Variants in BCL11B observed in about 807,000 individuals in gnomAD.
The protein encoded by BCL11B is BCL11 transcription factor B.
Under a neutral mutation model 49.9 loss-of-function variants are expected in BCL11B, and 8 were observed. The observed-to-expected ratio is 0.16, with a 90% confidence interval of 0.09 to 0.29. BCL11B has a LOEUF of 0.29. Ranked by LOEUF, BCL11B falls within the 10% of genes least tolerant of loss-of-function variation. The pLI, the probability that BCL11B is intolerant of heterozygous loss-of-function variation, is 1.00. For missense variants in BCL11B, 1,006 were observed against 1,351.0 expected, an observed-to-expected ratio of 0.74 and a Z score of 4.00; for synonymous variants, 739 against 637.4, an observed-to-expected ratio of 1.16 and a Z score of -2.40.
At chr14:99,187,963 T>A (rs193244275) in intron 3 of BCL11B, among the ~76,000 whole-genome samples, 1 of 152,194 alleles carries the variant, frequency 6.6e-6, no homozygotes, top group Non-Finnish European at 1.5e-5. Flanking sequence ...AAGGAGATAA[T>A]TGACGTTATG....
intron 2 of BCL11B, among the ~76,000 whole-genome samples, chr14:99,250,233 C>T (rs1888969016): frequency 6.6e-6 from 1 of 151,770 alleles, no homozygotes; most frequent in Non-Finnish European, 1.5e-5. Context: ...GACGGAGTTT[C>T]ACCGTGTTAG....
chr14:99,227,815 A>G (rs1888200967), intron 3 of BCL11B, among the ~76,000 whole-genome samples: 1 of 152,004 alleles, frequency 6.6e-6, no homozygotes, highest in African/African-American at 2.4e-5. Context: ...CAAATCCTCT[A>G]TGTGAAATTT....
intron 2 of BCL11B, among the ~76,000 whole-genome samples, chr14:99,246,056 C>T (rs1285111105): frequency 6.6e-6 from 1 of 152,192 alleles, no homozygotes; most frequent in African/African-American, 2.4e-5. Context: ...CTCCGATTCA[C>T]TGCATGCCCC....
chr14:99,257,317 A>T lies in BCL11B; in HGVS notation c.427+154T>A, dbSNP rs1889193616. ...CTGTCTCCTCCTGAAGGTCACCTGGATGGTGGACCCTCAGAAAGGGGGAGC... is the reference window on the plus strand; with the variant it reads ...CTGTCTCCTCCTGAAGGTCACCTGGTTGGTGGACCCTCAGAAAGGGGGAGC... On this transcript the variant is annotated intron_variant, in intron 2 of 3. Coordinates refer to ENST00000357195, the MANE Select transcript of BCL11B (RefSeq NM_138576.4). The surrounding 1 kb of genome is among the most constrained non-coding windows in gnomAD (Gnocchi z 6.2). Among the ~76,000 whole-genome samples the T allele has an allele frequency of 6.6e-6, 1 of 151,508 alleles. No individual in the cohort carries two copies.
Position 99,175,352 on chromosome 14 carries a change from G to A in BCL11B, c.1484C>T (p.Ala495Val). 1.3e-6 allele frequency: 2 copies of A among 1,563,416 alleles called. No homozygotes were observed. Among genetic ancestry groups the A allele is most frequent in the Non-Finnish European group, 1.7e-6 (2 of 1,159,868 alleles). ...GCTGGTGCCGGGCTCGGGGGAGCTG[G>A]CGGCCGAGAGCCCGTCGTCGGAGCG... is the stretch of plus-strand genomic sequence containing the variant. Reference protein sequence around the residue: ...AGRSDDGLSAASSPEPGTSEL... With the variant: ...AGRSDDGLSAVSSPEPGTSEL... Residue 495 changes from alanine (A) to valine (V), a missense_variant, in exon 4 of 4, where the codon GCC (alanine) becomes GTC (valine). By Grantham distance (64) the Ala-to-Val change is moderately conservative. This residue lies in a region of BCL11B where 443 missense variants were observed against 499.7 expected (regional missense o/e 0.89). Transcript: ENST00000357195.
rs1886249194 is a variant in BCL11B, at chr14:99,170,351, G to A, written c.*3800C>T. The A allele has an allele frequency of 4.5e-6, 1 of 222,936 alleles. No individual in the cohort carries two copies. The highest frequency in any genetic ancestry group is 2.2e-5 in the African/African-American group (1 of 44,674). The allele number at this position is 222,936 out of a possible 1,614,324, so 13.8% of individuals were successfully genotyped here. The stretch of plus-strand genomic sequence containing the variant: ...GCATTTGGTAAGGAATTGCCCAAAA[G>A]GATGCTTGGTTATACTTTCATAACC... On this transcript the variant is annotated 3_prime_UTR_variant, in exon 4 of 4. Coordinates refer to ENST00000357195, the MANE Select transcript of BCL11B (RefSeq NM_138576.4).
intron 3 of BCL11B, among the ~76,000 whole-genome samples, chr14:99,211,315 G>A (rs545257642): frequency 3.8e-4 from 58 of 152,294 alleles, no homozygotes; most frequent in African/African-American, 1.2e-3. Context: ...GAGTAAAGGG[G>A]TCCCCATGAG....
At chr14:99,250,109 C>T (rs992686992) in intron 2 of BCL11B, among the ~76,000 whole-genome samples, 1 of 147,458 alleles carries the variant, frequency 6.8e-6, no homozygotes, top group African/African-American at 2.5e-5. Flanking sequence ...GATCTCGGCT[C>T]ACTGCAAGCT....
chr14:99,237,883 C>T (rs966567816), intron 2 of BCL11B, among the ~76,000 whole-genome samples: 1 of 152,178 alleles, frequency 6.6e-6, no homozygotes, highest in Non-Finnish European at 1.5e-5. Context: ...CTTCATCAAC[C>T]ATCTAGGCCC....
At chr14:99,223,889 G>A (rs964414834) in intron 3 of BCL11B, among the ~76,000 whole-genome samples, 21 of 152,182 alleles carry the variant, frequency 1.4e-4, no homozygotes, top group Non-Finnish European at 2.2e-4. Context: ...GGCAATAAGT[G>A]AGGGAGCACC....
chr14:99,177,198 C>CT (rs1334757033), intron 3 of BCL11B, among the ~76,000 whole-genome samples: 1 of 152,068 alleles, frequency 6.6e-6, no homozygotes, highest in Non-Finnish European at 1.5e-5. Context: ...CTACATGAGT[C>CT]TTTCAAAGTC....
At chr14:99,187,654 T>G (rs1016873909) in intron 3 of BCL11B, among the ~76,000 whole-genome samples, 1 of 96,278 alleles carries the variant, frequency 1.0e-5, no homozygotes. Context: ...AGTTAGGAGA[T>G]AAACAGGCAA....
intron 3 of BCL11B, among the ~76,000 whole-genome samples, chr14:99,198,878 C>G (rs1465717681): frequency 6.6e-6 from 1 of 152,162 alleles, no homozygotes; most frequent in Non-Finnish European, 1.5e-5. Flanking sequence ...GCTTCCGACT[C>G]TCTGCATTCC....
Position 99,192,881 on chromosome 14 carries a change from A to G in BCL11B, c.641-16686T>C, listed in dbSNP as rs927227526. ...AAAATGTAAATGAGTGAATGAATGAATGAATGAATGAATGAGTGAATGAAT... is the reference window on the plus strand; with the variant it reads ...AAAATGTAAATGAGTGAATGAATGAGTGAATGAATGAATGAGTGAATGAAT... On this transcript the variant is annotated intron_variant, in intron 3 of 3. Transcript: ENST00000357195. The surrounding 1 kb of genome is among the most constrained non-coding windows in gnomAD (Gnocchi z 4.0). 2.0e-5 allele frequency among the ~76,000 whole-genome samples: 3 copies of G among 152,114 alleles called. No homozygotes were observed. Among genetic ancestry groups the G allele is most frequent in the African/African-American group, 7.2e-5 (3 of 41,424 alleles).
Position 99,174,989 on chromosome 14 carries a change from T to A in BCL11B, c.1847A>T (p.Asp616Val). Residue 616 changes from aspartate to valine, a missense_variant, in exon 4 of 4, where the codon GAC becomes GTC. Around this residue, in one of 6 missense-constraint regions of BCL11B, gnomAD observed 443 missense variants for 499.7 expected, o/e 0.89. Coordinates refer to ENST00000357195, the MANE Select transcript of BCL11B (RefSeq NM_138576.4). Reference sequence around the variant, plus strand: ...CAGGAAGGCGCCGCGCTTCTGCTTGTCGGCCAGGAGCTCGCCGTACTGCGG... The same window carrying A: ...CAGGAAGGCGCCGCGCTTCTGCTTGACGGCCAGGAGCTCGCCGTACTGCGG... Reference protein sequence around the residue: ...ALPQYGELLADKQKRGAFLKR... With the variant: ...ALPQYGELLAVKQKRGAFLKR... The A allele has an allele frequency of 6.3e-7, 1 of 1,577,484 alleles. No homozygotes were observed. Among genetic ancestry groups the A allele is most frequent in the Non-Finnish European group, 8.6e-7 (1 of 1,169,092 alleles).
At chr14:99,180,574 G>A (rs1430706360) in intron 3 of BCL11B, among the ~76,000 whole-genome samples, 1 of 152,156 alleles carries the variant, frequency 6.6e-6, no homozygotes, top group African/African-American at 2.4e-5. Flanking sequence ...CCTCTCTGAG[G>A]CTTGACTTCC....
intron 2 of BCL11B, among the ~76,000 whole-genome samples, chr14:99,246,562 T>C (rs1359651646): frequency 6.6e-6 from 1 of 152,124 alleles, no homozygotes; most frequent in Non-Finnish European, 1.5e-5. Flanking sequence ...AGTTTTGAAG[T>C]TGCCAAAGTG....
Position 99,175,068 on chromosome 14 carries a change from C to G in BCL11B, c.1768G>C (p.Glu590Gln). Reference sequence around the variant, plus strand: ...ACCTTGCCCAGCACCAGCGCCTTCTCGTCAGCCAGCGCCTTGGCCGCGCCG... The same window carrying G: ...ACCTTGCCCAGCACCAGCGCCTTCTGGTCAGCCAGCGCCTTGGCCGCGCCG... ...GGGAAKALAD[E>Q]KALVLGKVME... Residue 590 changes from glutamate (E) to glutamine (Q), a missense_variant, in exon 4 of 4, where the codon GAG (glutamate) becomes CAG (glutamine). This residue lies in a region of BCL11B where 443 missense variants were observed against 499.7 expected (regional missense o/e 0.89). Transcript: ENST00000357195. 6.2e-7 allele frequency: 1 copy of G among 1,600,076 alleles called. No homozygotes were observed. Among genetic ancestry groups the G allele is most frequent in the Non-Finnish European group, 8.5e-7 (1 of 1,177,422 alleles).
At position 99,255,786 on chromosome 14, in the gene BCL11B, C is replaced by T. The variant is rs574247153; in HGVS notation, c.427+1685G>A. ...ACCTCTCTCGCCTGATGGCTCAGCC[C>T]GGTGAAGAGACGCTGCTCAGGTGCA... On this transcript the variant is annotated intron_variant, in intron 2 of 3. Coordinates refer to ENST00000357195, the MANE Select transcript of BCL11B (RefSeq NM_138576.4). Among the ~76,000 whole-genome samples, 4 of 152,328 alleles carry T rather than the reference C, an allele frequency of 2.6e-5. No individual in the cohort carries two copies. In the South Asian group the frequency reaches 6.2e-4, roughly 24 times the overall value.
Sources: allele counts gnomAD v4.1 joint callset (sites outside exome capture counted in the v4.1 genomes callset), GRCh38; gene constraint gnomAD v4.1.1; regional missense constraint gnomAD v4.1.1; non-coding constraint Gnocchi (gnomAD v3.1); transcripts MANE v1.5; gene names NCBI Gene and HGNC (gene_info 2026-07-23, HGNC 2026-07-21).